The following CCDC122 variants were observed in gnomAD, a reference collection of about 807,000 sequenced individuals.
CCDC122 encodes the protein coiled-coil domain containing 122.
In CCDC122, 38 loss-of-function variants were observed where a neutral mutation model predicts 37.0. The observed-to-expected ratio is 1.03, with a 90% CI of 0.79 to 1.35. CCDC122 has a LOEUF of 1.35. CCDC122 is among the 40% of genes most tolerant of loss of function. CCDC122 has a pLI of 0.00. For missense variants in CCDC122, 305 were observed against 310.0 expected, an observed-to-expected ratio of 0.98 and a Z score of 0.12; for synonymous variants, 83 against 95.6, an observed-to-expected ratio of 0.87 and a Z score of 0.77.
chr13:43,863,864 T>TA (rs1313437575), intron 4 of CCDC122, among the ~76,000 whole-genome samples: 2 of 152,166 alleles, frequency 1.3e-5, no homozygotes, highest in Non-Finnish European at 2.9e-5. Context: ...AGTTTAAAAA[T>TA]TTTTTTGGAT....
intron 6 of CCDC122, among the ~76,000 whole-genome samples, chr13:43,845,999 T>C (rs1304029208): frequency 6.6e-6 from 1 of 152,214 alleles, no homozygotes; most frequent in Admixed American, 6.5e-5. Flanking sequence ...TTTCCAGTCC[T>C]TGTCTAACAA....
intron 1 of CCDC122, chr13:43,879,417 C>A (rs553186419): frequency 6.5e-6 from 1 of 152,956 alleles, no homozygotes; most frequent in South Asian, 2.1e-4. Context: ...TGCCCGCTAA[C>A]CCGCCTGGCT....
intron 1 of CCDC122, among the ~76,000 whole-genome samples, chr13:43,876,146 T>C (rs1357507572): frequency 1.3e-5 from 2 of 152,206 alleles, no homozygotes; most frequent in Admixed American, 1.3e-4. Flanking sequence ...TTTCATCATC[T>C]GGCCTCCGTA....
At chr13:43,860,159 A>T (rs118138766) in intron 4 of CCDC122, 89 bp from the exon 5 acceptor site, 22,436 of 596,244 alleles carry the variant, frequency 0.038, 558 homozygotes, top group Non-Finnish European at 0.043. Context: ...GAATATAGGA[A>T]AAATCACTTA....
At chr13:43,864,153 G>A (rs1177251810) in intron 4 of CCDC122, among the ~76,000 whole-genome samples, 1 of 152,144 alleles carries the variant, frequency 6.6e-6, no homozygotes, top group Non-Finnish European at 1.5e-5. Flanking sequence ...CAATTGATAT[G>A]TGTGGGGCTA....
intron 6 of CCDC122, among the ~76,000 whole-genome samples, chr13:43,839,235 C>T (rs544276560): frequency 6.6e-6 from 1 of 152,322 alleles, no homozygotes; most frequent in African/African-American, 2.4e-5. Context: ...CATTAGCAGT[C>T]ATTCCCCATT....
At chr13:43,852,395 G>A (rs1217688977) in intron 6 of CCDC122, among the ~76,000 whole-genome samples, 2 of 151,890 alleles carry the variant, frequency 1.3e-5, no homozygotes, top group African/African-American at 4.8e-5. Context: ...AGAGATCGAA[G>A]ACTGGCTTTC....
chr13:43,840,401 TAA>T (rs1953307015), intron 6 of CCDC122, among the ~76,000 whole-genome samples: 1 of 150,066 alleles, frequency 6.7e-6, no homozygotes, highest in Non-Finnish European at 1.5e-5. Context: ...TACTATACTT[TAA>T]GTTTTAGGGT....
chr13:43,862,110 C>T (rs1280762602), intron 4 of CCDC122, among the ~76,000 whole-genome samples: 1 of 152,142 alleles, frequency 6.6e-6, no homozygotes, highest in Non-Finnish European at 1.5e-5. Flanking sequence ...AAACATAAAT[C>T]ATATCATGTT....
intron 4 of CCDC122, among the ~76,000 whole-genome samples, chr13:43,863,874 T>C (rs879917113): frequency 1.3e-5 from 2 of 152,238 alleles, no homozygotes; most frequent in African/African-American, 2.4e-5. Flanking sequence ...TTTTTTTGGA[T>C]GAAATTCATC....
In CCDC122 at chr13:43,863,675, T is replaced by TTG. The variant is rs55637761; in HGVS notation, c.157-3607_157-3606dup. On this transcript the variant is annotated intron_variant, in intron 4 of 6. Coordinates refer to ENST00000444614, the MANE Select transcript of CCDC122 (RefSeq NM_144974.5). ...TTTTAAACTTAGCCATTCTAGTGGG[T>TTG]TGTGTGTGTGTGTGTGTGTGTGTGT... Among the ~76,000 whole-genome samples the TTG allele has an allele frequency of 7.5e-3, 1,120 of 149,464 alleles. 7 individuals are homozygous for TTG. The highest frequency in any genetic ancestry group is 0.032 in the East Asian group (164 of 5,060).
At chr13:43,861,012 T>A (rs1341867249) in intron 4 of CCDC122, among the ~76,000 whole-genome samples, 1 of 152,142 alleles carries the variant, frequency 6.6e-6, no homozygotes, top group East Asian at 1.9e-4. Flanking sequence ...GCAGCTGAGG[T>A]TGGCTAGGTA....
At chr13:43,878,280 A>C (rs1198726460) in intron 1 of CCDC122, 1 of 152,226 alleles carries the variant, frequency 6.6e-6, no homozygotes, top group Non-Finnish European at 1.5e-5. Context: ...CCTTTGCACC[A>C]ATCTAATGAT....
chr13:43,867,585 A>G (rs1190556420), intron 4 of CCDC122, among the ~76,000 whole-genome samples: 1 of 152,070 alleles, frequency 6.6e-6, no homozygotes, highest in Admixed American at 6.6e-5. Context: ...CTCTACATGT[A>G]ATTATTTGTT....
At chr13:43,867,437 C>T (rs1954309597) in intron 4 of CCDC122, among the ~76,000 whole-genome samples, 1 of 152,028 alleles carries the variant, frequency 6.6e-6, no homozygotes, top group Non-Finnish European at 1.5e-5. Flanking sequence ...AACCTTTAAA[C>T]CTGTCCTAGA....
intron 1 of CCDC122, among the ~76,000 whole-genome samples, chr13:43,877,272 A>C (rs1368043911): frequency 6.6e-6 from 1 of 152,238 alleles, no homozygotes; most frequent in African/African-American, 2.4e-5. Context: ...AGTAGACTAC[A>C]TGCAAAGAAA....
chr13:43,859,683 T>A lies in CCDC122; in HGVS notation c.544A>T (p.Thr182Ser). Residue 182 changes from threonine to serine, a missense_variant, in exon 5 of 7, where the codon ACA becomes TCA. By Grantham distance (58) the Thr-to-Ser change is moderately conservative (BLOSUM62 1). Transcript: ENST00000444614. ...GTAATTTTGCACACCTGTACTTGTGTTATTCGGTTCCCTCCTGGATTTTGA... is the reference window on the plus strand; with the variant it reads ...GTAATTTTGCACACCTGTACTTGTGATATTCGGTTCCCTCCTGGATTTTGA... The part of the protein sequence containing the change: ...DLQNPGGNRI[T>S]QVQEDITNLK... 6.5e-7 allele frequency: 1 copy of A among 1,547,496 alleles called. No individual in the cohort carries two copies. The highest frequency in any genetic ancestry group is 8.7e-7 in the Non-Finnish European group (1 of 1,154,702).
chr13:43,847,206 A>G (rs1162344464), intron 6 of CCDC122, among the ~76,000 whole-genome samples: 1 of 152,216 alleles, frequency 6.6e-6, no homozygotes, highest in East Asian at 1.9e-4. Context: ...AGATTGTTGA[A>G]TAAGTAAATT....
chr13:43,835,405 A>G (rs1594812617), downstream of CCDC122, among the ~76,000 whole-genome samples: 1 of 152,304 alleles, frequency 6.6e-6, no homozygotes, highest in East Asian at 1.9e-4. Flanking sequence ...GCACATGTAT[A>G]CATGTGTAAC....
Sources: allele counts gnomAD v4.1 joint callset (sites outside exome capture counted in the v4.1 genomes callset), GRCh38; gene constraint gnomAD v4.1.1; transcripts MANE v1.5; gene names NCBI Gene and HGNC (gene_info 2026-07-23, HGNC 2026-07-21).